TTBK2: variants seen among roughly 807,000 people sequenced by gnomAD.
TTBK2 encodes the protein tau-tubulin kinase 2.
In TTBK2, 28 loss-of-function variants were observed where a neutral mutation model predicts 110.8. The ratio of observed to expected loss-of-function variants is 0.25; its 90% CI spans 0.19 to 0.35. The LOEUF is 0.35. Among genes scored for constraint, TTBK2 ranks in the 10% least tolerant of loss-of-function variants. TTBK2 has a pLI of 1.00. For missense variants in TTBK2, 1,369 were observed against 1,500.3 expected, an observed-to-expected ratio of 0.91 and a Z score of 1.45; for synonymous variants, 532 against 527.3, an observed-to-expected ratio of 1.01 and a Z score of -0.12.
At chr15:42,771,887 C>G (rs1261801560) in intron 13 of TTBK2, among the ~76,000 whole-genome samples, 1 of 152,156 alleles carries the variant, frequency 6.6e-6, no homozygotes, top group Non-Finnish European at 1.5e-5. Flanking sequence ...CAGCGTCTGA[C>G]TCTTCATGGA....
chr15:42,863,542 C>T (rs1474267971), intron 3 of TTBK2, among the ~76,000 whole-genome samples: 2 of 152,056 alleles, frequency 1.3e-5, no homozygotes, highest in Non-Finnish European at 2.9e-5. Flanking sequence ...TATCAAACTA[C>T]CAATGTCATT....
At chr15:42,826,261 T>G (rs1892533060) in intron 6 of TTBK2, among the ~76,000 whole-genome samples, 1 of 152,070 alleles carries the variant, frequency 6.6e-6, no homozygotes, top group South Asian at 2.1e-4. Context: ...ATTTATTTTT[T>G]ATTTTAGATT....
At chr15:42,791,811 T>G (rs1035923391) in intron 10 of TTBK2, among the ~76,000 whole-genome samples, 6 of 152,168 alleles carry the variant, frequency 3.9e-5, no homozygotes, top group Middle Eastern at 3.2e-3. Flanking sequence ...ATCAATCCTA[T>G]GTTATTCCAA....
chr15:42,817,212 C>T (rs1312196757), intron 6 of TTBK2, 115 bp from the exon 7 acceptor site: 1 of 575,278 alleles, frequency 1.7e-6, no homozygotes, highest in Non-Finnish European at 2.6e-6. Flanking sequence ...CAATAAAACA[C>T]TATTTAATTT....
rs1376410878 is a variant in TTBK2 at position 42,743,448 on chromosome 15, G to T, written c.*2347C>A. On this transcript the variant is annotated 3_prime_UTR_variant, in exon 15 of 15. Coordinates refer to ENST00000267890, the MANE Select transcript of TTBK2 (RefSeq NM_173500.4). Reference sequence around the variant, plus strand: ...CAATGATTACTACTAGCATATTTCCGACTAAAGGGGTCAGGATTTAAAGCT... The same window carrying T: ...CAATGATTACTACTAGCATATTTCCTACTAAAGGGGTCAGGATTTAAAGCT... The T allele has an allele frequency of 6.6e-6, 1 of 152,110 alleles. No homozygotes were observed. The highest frequency in any genetic ancestry group is 1.5e-5 in the Non-Finnish European group (1 of 68,024). The allele number at this position is 152,110 out of a possible 1,614,324, so 9.4% of individuals were successfully genotyped here. A position where few individuals can be genotyped will look rare whatever the true frequency, so the allele number is the denominator to read the frequency against.
chr15:42,902,575 C>T (rs2030113697), intron 1 of TTBK2, among the ~76,000 whole-genome samples: 1 of 151,930 alleles, frequency 6.6e-6, no homozygotes, highest in Non-Finnish European at 1.5e-5. Flanking sequence ...ATTAATATGG[C>T]CATTATAAAA....
chr15:42,901,158 C>G lies in TTBK2; in HGVS notation c.-68+19280G>C, dbSNP rs1420695639. Among the ~76,000 whole-genome samples, 4 of 152,104 alleles carry G rather than the reference C, an allele frequency of 2.6e-5. No homozygotes were observed. The East Asian group carries it at 7.7e-4, about 29-fold the overall frequency. Reference sequence around the variant, plus strand: ...GGTGGATCACCTGAGGTCAGGAGTTCAAGACCAGCCCGGCCAACATGGTGA... The same window carrying G: ...GGTGGATCACCTGAGGTCAGGAGTTGAAGACCAGCCCGGCCAACATGGTGA... On this transcript the variant is annotated intron_variant, in intron 1 of 14. Coordinates refer to ENST00000267890, the MANE Select transcript of TTBK2 (RefSeq NM_173500.4).
At chr15:42,892,127 A>G (rs1016672347) in intron 1 of TTBK2, among the ~76,000 whole-genome samples, 4 of 152,240 alleles carry the variant, frequency 2.6e-5, no homozygotes, top group Admixed American at 1.3e-4. Flanking sequence ...AACGGAAATC[A>G]TACATACTAT....
chr15:42,847,987 C>T (rs1212600772), intron 3 of TTBK2, among the ~76,000 whole-genome samples: 1 of 152,254 alleles, frequency 6.6e-6, no homozygotes, highest in East Asian at 1.9e-4. Context: ...CGGGGGACTA[C>T]AGACATGTAC....
intron 6 of TTBK2, among the ~76,000 whole-genome samples, 184 bp downstream of exon 6, chr15:42,827,744 A>AT (rs1476946951): frequency 6.6e-6 from 1 of 152,086 alleles, no homozygotes; most frequent in African/African-American, 2.4e-5. Context: ...TCTAATATAC[A>AT]TTTTTTGAAG....
At chr15:42,783,016 C>T (rs1379297069) in intron 11 of TTBK2, among the ~76,000 whole-genome samples, 1 of 152,188 alleles carries the variant, frequency 6.6e-6, no homozygotes, top group African/African-American at 2.4e-5. Flanking sequence ...CCAGATTGTG[C>T]TTTGTCAACA....
chr15:42,795,779 G>A (rs1191257586), intron 9 of TTBK2, among the ~76,000 whole-genome samples: 2 of 149,902 alleles, frequency 1.3e-5, no homozygotes, highest in African/African-American at 2.5e-5. Flanking sequence ...GGAGGCGGAG[G>A]CTGCAGTGAG....
intron 3 of TTBK2, among the ~76,000 whole-genome samples, chr15:42,866,161 A>C (rs1180645222): frequency 2.0e-5 from 3 of 152,024 alleles, no homozygotes; most frequent in Non-Finnish European, 4.4e-5. Flanking sequence ...CATCATAGCC[A>C]AGCACAGTAG....
At chr15:42,856,797 C>T (rs935821411) in intron 3 of TTBK2, among the ~76,000 whole-genome samples, 1 of 152,168 alleles carries the variant, frequency 6.6e-6, no homozygotes, top group East Asian at 1.9e-4. Context: ...CGTGATGGCT[C>T]ACACCTGTGA....
At chr15:42,816,343 C>T (rs899283177) in intron 7 of TTBK2, among the ~76,000 whole-genome samples, 2 of 151,020 alleles carry the variant, frequency 1.3e-5, no homozygotes, top group Non-Finnish European at 2.9e-5. Context: ...TCTCAAACTC[C>T]TGACCTTGTG....
chr15:42,797,399 T>G (rs944703293), intron 9 of TTBK2, among the ~76,000 whole-genome samples: 1 of 152,152 alleles, frequency 6.6e-6, no homozygotes, highest in African/African-American at 2.4e-5. Context: ...ATGGTGATAT[T>G]AGACACCAGC....
chr15:42,793,706 G>A (rs913582491), intron 10 of TTBK2, among the ~76,000 whole-genome samples: 2 of 151,952 alleles, frequency 1.3e-5, no homozygotes, highest in African/African-American at 2.4e-5. Context: ...AAATTAGCCG[G>A]GCGTGGTGGC....
At chr15:42,763,039 C>T (rs2062053350) in intron 13 of TTBK2, among the ~76,000 whole-genome samples, 1 of 142,166 alleles carries the variant, frequency 7.0e-6, no homozygotes, top group East Asian at 2.1e-4. Context: ...GAAGGAATAA[C>T]TTCTAGTGTT....
chr15:42,912,994 G>GGGCGCCTGTAGTCCCAGCTA (rs2030865324), intron 1 of TTBK2, among the ~76,000 whole-genome samples: 1 of 150,194 alleles, frequency 6.7e-6, no homozygotes, highest in Admixed American at 6.6e-5. Flanking sequence ...GCGCGGTGGC[G>GGGCGCCTGTAGTCCCAGCTA]GGCGCCTGTA....
Sources: gnomAD v4.1 joint callset for allele counts (sites outside exome capture counted in the v4.1 genomes callset) on GRCh38, gnomAD v4.1.1 for gene constraint, MANE v1.5 for transcripts, NCBI Gene and HGNC (gene_info 2026-07-23, HGNC 2026-07-21) for gene names.